Variants in SLC13A3 observed in about 807,000 individuals in gnomAD.
SLC13A3 encodes solute carrier family 13 member 3, also known as Na(+)/dicarboxylate cotransporter 3.
A neutral mutation model predicts 59.0 loss-of-function variants in SLC13A3; 40 were observed. That is an observed-to-expected ratio of 0.68 (90% CI 0.53 to 0.88). SLC13A3 has a LOEUF of 0.88. Ranked by LOEUF, SLC13A3 falls within the 40% of genes least tolerant of loss-of-function variation. The pLI, the probability that SLC13A3 is intolerant of heterozygous loss-of-function variation, is 0.00. For missense variants in SLC13A3, 699 were observed against 783.2 expected (o/e 0.89, Z 1.28); for synonymous variants, 317 against 330.3 (o/e 0.96, Z 0.44).
chr20:46,656,118 T>C (rs1420226960), upstream of SLC13A3, among the ~76,000 whole-genome samples: 2 of 141,700 alleles, frequency 1.4e-5, no homozygotes, highest in Non-Finnish European at 3.0e-5. Context: ...TTATACTGTA[T>C]ATAATATACC....
At chr20:46,620,275 A>G (rs1179209868) in intron 1 of SLC13A3, among the ~76,000 whole-genome samples, 6 of 152,250 alleles carry the variant, frequency 3.9e-5, no homozygotes, top group Non-Finnish European at 8.8e-5. Context: ...AAATTGAGGC[A>G]CAGAGAGGTT....
chr20:46,588,406 C>G (rs377487898), intron 7 of SLC13A3, among the ~76,000 whole-genome samples: 36 of 152,208 alleles, frequency 2.4e-4, no homozygotes, highest in African/African-American at 8.2e-4. Context: ...CAAGCCACCC[C>G]CTCCCCGAAA....
rs774802813 is a variant in SLC13A3 at position 46,565,551 on chromosome 20, T to C, written c.1494+678A>G. 2.6e-4 allele frequency among the ~76,000 whole-genome samples: 39 copies of C among 152,190 alleles called. 1 individual carries two copies. The highest frequency in any genetic ancestry group is 4.4e-4 in the Non-Finnish European group (30 of 68,028). ...GTTGCCCAGGCTAGTCTGAAACTCCTGAGCTCAAGCAATCTGCCTGCTTCA... is the reference window on the plus strand; with the variant it reads ...GTTGCCCAGGCTAGTCTGAAACTCCCGAGCTCAAGCAATCTGCCTGCTTCA... On this transcript the variant is annotated intron_variant, in intron 11 of 12. Transcript: ENST00000279027.
intron 4 of SLC13A3, 121 bp downstream of exon 4, chr20:46,599,850 C>T (rs929501274): frequency 1.7e-6 from 1 of 602,336 alleles, no homozygotes; most frequent in African/African-American, 1.9e-5. Context: ...GAAACTCAGG[C>T]ATTAGGTCAT....
chr20:46,576,123 G>A (rs1239756530), intron 9 of SLC13A3, among the ~76,000 whole-genome samples: 5 of 151,970 alleles, frequency 3.3e-5, no homozygotes, highest in South Asian at 2.1e-4. Context: ...TTATTTCCTC[G>A]CAAGTGGCAG....
In SLC13A3 at chr20:46,596,141, G is replaced by A. The variant is rs1399889693; in HGVS notation, c.794+16C>T. On this transcript the variant is annotated intron_variant, in intron 5 of 12. Transcript: ENST00000279027. The stretch of plus-strand genomic sequence containing the variant: ...GGAGCAGAACCCTCCCCGCCGGTGG[G>A]GACTCTCGCTTTCACCTCTTGAGCT... The A allele has an allele frequency of 6.2e-7, 1 of 1,609,978 alleles. No individual in the cohort carries two copies.
At chr20:46,578,322 CAG>C (rs2062099158) in intron 9 of SLC13A3, among the ~76,000 whole-genome samples, 1 of 152,100 alleles carries the variant, frequency 6.6e-6, no homozygotes, top group Admixed American at 6.5e-5. Context: ...ATGGTCAAAA[CAG>C]AGAAAATTTG....
intron 3 of SLC13A3, chr20:46,608,875 C>T: frequency 6.5e-7 from 1 of 1,548,212 alleles, no homozygotes; most frequent in Non-Finnish European, 8.7e-7. Context: ...TGGCTCCTGT[C>T]TTTGGGTCCC....
Position 46,606,850 on chromosome 20 carries a change from C to T in SLC13A3, c.541+3596G>A, listed in dbSNP as rs1209634481. 2.6e-5 allele frequency among the ~76,000 whole-genome samples: 4 copies of T among 152,320 alleles called. No individual in the cohort carries two copies. The East Asian group carries it at 5.8e-4, about 22-fold the overall frequency. ...GCTGTGGTGGAGGACCTAATGAGAG[C>T]GTGCATGCAGGGGGACATTGGCGAA... On this transcript the variant is annotated intron_variant, in intron 3 of 12. Transcript: ENST00000279027.
upstream of SLC13A3, among the ~76,000 whole-genome samples, chr20:46,655,793 TATATA>T (rs966108859): frequency 4.8e-5 from 7 of 144,718 alleles, no homozygotes; most frequent in African/African-American, 7.6e-5. Flanking sequence ...GCCTTCAGTA[TATATA>T]ATATATAATA....
chr20:46,566,143 C>A, intron 11 of SLC13A3, 86 bp downstream of exon 11: 1 of 1,126,710 alleles, frequency 8.9e-7, no homozygotes, highest in Non-Finnish European at 1.3e-6. Flanking sequence ...CAACTGTGGC[C>A]CCCAGTGAAG....
intron 1 of SLC13A3, among the ~76,000 whole-genome samples, chr20:46,640,394 A>G (rs560634308): frequency 7.2e-5 from 11 of 152,166 alleles, no homozygotes; most frequent in African/African-American, 2.2e-4. Context: ...CTCTGCTCCA[A>G]TGTCTTTTTC....
chr20:46,660,601 C>T (rs1435810655), intron 1 of SLC13A3, among the ~76,000 whole-genome samples: 2 of 152,122 alleles, frequency 1.3e-5, no homozygotes, highest in Admixed American at 6.5e-5. Context: ...TTGACTGAAA[C>T]GTTTAGGTGT....
At position 46,600,313 on chromosome 20, in the gene SLC13A3, G is replaced by GGGAAGGAAGGAAGGAAGGAAA. The variant is rs144741251; in HGVS notation, c.542-277_542-276insTTTCCTTCCTTCCTTCCTTCC. Among the ~76,000 whole-genome samples, 423 of 123,874 alleles carry GGGAAGGAAGGAAGGAAGGAAA rather than the reference G, an allele frequency of 3.4e-3. 5 individuals are homozygous for GGGAAGGAAGGAAGGAAGGAAA. The highest frequency in any genetic ancestry group is 5.6e-3 in the Non-Finnish European group (338 of 60,484). The allele number at this position is 123,874 out of a possible 152,430, so 81.3% of individuals were successfully genotyped here. A position where few individuals can be genotyped will look rare whatever the true frequency, so the allele number is the denominator to read the frequency against. On this transcript the variant is annotated intron_variant, in intron 3 of 12. Coordinates refer to ENST00000279027, the MANE Select transcript of SLC13A3 (RefSeq NM_022829.6). ...AGGGAAAGAAAGAAAGAAAGAAAGAGGGAAGGAAGGAAAGGAAGGAAGGAA... is the reference window on the plus strand; with the variant it reads ...AGGGAAAGAAAGAAAGAAAGAAAGAGGGAAGGAAGGAAGGAAGGAAAGGAAGGAAGGAAAGGAAGGAAGGAA...
chr20:46,608,023 A>C (rs2062452929), intron 3 of SLC13A3, among the ~76,000 whole-genome samples: 1 of 152,186 alleles, frequency 6.6e-6, no homozygotes, highest in Non-Finnish European at 1.5e-5. Context: ...ACTAGGGTTG[A>C]AATGGGGAAA....
In SLC13A3 at chr20:46,577,767, G is replaced by C. The variant is rs546181917; in HGVS notation, c.1220-2082C>G. 9.9e-4 allele frequency among the ~76,000 whole-genome samples: 151 copies of C among 152,344 alleles called. 1 individual carries two copies. Among genetic ancestry groups the C allele is most frequent in the African/African-American group, 3.3e-3 (137 of 41,564 alleles). On this transcript the variant is annotated intron_variant, in intron 9 of 12. Transcript: ENST00000279027. Reference sequence around the variant, plus strand: ...TACCAGCCGACTGTCTACAGCAGTAGCTGAAGGCACAAGCTTTGAACTAGA... The same window carrying C: ...TACCAGCCGACTGTCTACAGCAGTACCTGAAGGCACAAGCTTTGAACTAGA...
intron 1 of SLC13A3, chr20:46,613,926 G>A (rs2071312790): frequency 6.0e-6 from 3 of 500,970 alleles, no homozygotes; most frequent in Non-Finnish European, 7.0e-6. Context: ...TAAAGCAGGT[G>A]GCATCACCTT....
chr20:46,567,684 G>T (rs2061992660), intron 10 of SLC13A3, among the ~76,000 whole-genome samples: 1 of 152,042 alleles, frequency 6.6e-6, no homozygotes. Context: ...TCTCTCTGCT[G>T]ACTTCTCCAG....
At chr20:46,567,024 C>T (rs925274310) in intron 10 of SLC13A3, among the ~76,000 whole-genome samples, 11 of 151,818 alleles carry the variant, frequency 7.2e-5, no homozygotes, top group South Asian at 6.3e-4. Context: ...GCCAACCTGG[C>T]GAAACCCTGC....
Sources: gnomAD v4.1 joint callset for allele counts (sites outside exome capture counted in the v4.1 genomes callset) on GRCh38, gnomAD v4.1.1 for gene constraint, MANE v1.5 for transcripts, NCBI Gene and HGNC (gene_info 2026-07-23, HGNC 2026-07-21) for gene names.